ZFHX3: variants seen among roughly 807,000 people sequenced by gnomAD.
The protein encoded by ZFHX3 is zinc finger homeobox protein 3.
In ZFHX3, 42 loss-of-function variants were observed where a neutral mutation model predicts 279.1. That is an observed-to-expected ratio of 0.15 (90% confidence interval 0.12 to 0.19). The LOEUF (loss-of-function observed/expected upper bound fraction) is 0.19. Ranked by LOEUF, ZFHX3 falls within the 10% of genes least tolerant of loss-of-function variation. The pLI is 1.00. For missense variants in ZFHX3, 4,981 were observed against 4,754.0 expected (o/e 1.05, Z -1.40); for synonymous variants, 2,293 against 1,957.8 (o/e 1.17, Z -4.52).
intron 4 of ZFHX3, among the ~76,000 whole-genome samples, chr16:73,293,274 A>G (rs1045370874): frequency 1.2e-4 from 19 of 152,170 alleles, no homozygotes; most frequent in Non-Finnish European, 2.5e-4. Context: ...GAAAGAGGCT[A>G]TGAAGGAGAC....
intron 4 of ZFHX3, among the ~76,000 whole-genome samples, chr16:72,868,815 A>G (rs1236883464): frequency 2.6e-5 from 4 of 151,316 alleles, no homozygotes; most frequent in South Asian, 2.1e-4. Context: ...CCCTCTGTTC[A>G]CCTCAGGAGT....
intron 1 of ZFHX3, among the ~76,000 whole-genome samples, chr16:73,024,585 C>T (rs1343725115): frequency 6.6e-6 from 1 of 152,210 alleles, no homozygotes; most frequent in African/African-American, 2.4e-5. Flanking sequence ...AATGATAAAA[C>T]GAAATCTCAC....
chr16:73,767,534 C>A (rs1300164574), intron 1 of ZFHX3, among the ~76,000 whole-genome samples: 1 of 152,144 alleles, frequency 6.6e-6, no homozygotes, highest in African/African-American at 2.4e-5. Context: ...AAGAAGAATT[C>A]TTTTTCTGAC....
chr16:73,017,454 C>T (rs1249011878), intron 1 of ZFHX3, among the ~76,000 whole-genome samples: 2 of 152,060 alleles, frequency 1.3e-5, no homozygotes, highest in Non-Finnish European at 2.9e-5. Context: ...TTTCCTGCCC[C>T]GCTTTCCAGT....
intron 5 of ZFHX3, among the ~76,000 whole-genome samples, chr16:73,213,715 G>C (rs2012099818): frequency 6.6e-6 from 1 of 152,138 alleles, no homozygotes; most frequent in Non-Finnish European, 1.5e-5. Flanking sequence ...CATGTTTTCT[G>C]TCTTTAATTT....
chr16:73,280,680 G>C lies in ZFHX3; in HGVS notation c.-1193-23544C>G, dbSNP rs370152688. On this transcript the variant is annotated intron_variant, in intron 4 of 17. Transcript: ENST00000641206. ...ACTGTAAATTGGTACAGCCATTATA[G>C]AAAATAGCATAGAGGTGGCCAGGCA... Among the ~76,000 whole-genome samples, 39 of 152,156 alleles carry C rather than the reference G, an allele frequency of 2.6e-4. 2 individuals are homozygous for C. The highest frequency in any genetic ancestry group is 1.2e-3 in the South Asian group (6 of 4,808).
intron 7 of ZFHX3, among the ~76,000 whole-genome samples, chr16:73,103,359 C>T (rs549677062): frequency 5.9e-4 from 89 of 150,416 alleles, no homozygotes; most frequent in African/African-American, 2.0e-3. Flanking sequence ...GTACCCCAAA[C>T]CAGACTCTGC....
intron 1 of ZFHX3, among the ~76,000 whole-genome samples, chr16:73,845,466 A>G (rs1961425750): frequency 6.6e-6 from 1 of 152,096 alleles, no homozygotes; most frequent in South Asian, 2.1e-4. Flanking sequence ...ATTTGTGTCC[A>G]GTTATCTAGG....
chr16:73,195,975 A>G (rs1351790109), intron 5 of ZFHX3, among the ~76,000 whole-genome samples: 1 of 152,200 alleles, frequency 6.6e-6, no homozygotes, highest in Non-Finnish European at 1.5e-5. Context: ...TATCTCCCTC[A>G]TTGCCTAACA....
At position 72,798,642 on chromosome 16, in the gene ZFHX3, G is replaced by T; in HGVS notation, c.4040C>A (p.Ser1347Tyr). Reference sequence around the variant, plus strand: ...TCTCACAGAGCCTGGGTCAGCAGGGGATGGTTTCAAATCTCCGCTTTGCTC... The same window carrying T: ...TCTCACAGAGCCTGGGTCAGCAGGGTATGGTTTCAAATCTCCGCTTTGCTC... ...STEQSGDLKP[S>Y]PADPGSVRED... Residue 1347 changes from serine (S) to tyrosine (Y), a missense_variant, in exon 9 of 10, where the codon TCC becomes TAC. Around this residue, in one of 7 missense-constraint regions of ZFHX3, gnomAD observed 1,751 missense variants for 1,770.0 expected, o/e 0.99. Coordinates refer to ENST00000268489, the MANE Select transcript of ZFHX3 (RefSeq NM_006885.4). 6.2e-7 allele frequency: 1 copy of T among 1,613,830 alleles called. No individual in the cohort carries two copies. The highest frequency in any genetic ancestry group is 1.6e-4 in the Middle Eastern group (1 of 6,062).
chr16:72,847,908 A>G (rs546510917), intron 4 of ZFHX3, among the ~76,000 whole-genome samples: 34 of 152,096 alleles, frequency 2.2e-4, no homozygotes, highest in Admixed American at 5.2e-4. Flanking sequence ...GGCTGGGTGC[A>G]GCCAGGCTCC....
chr16:73,064,219 T>G (rs1490677788), upstream of ZFHX3, among the ~76,000 whole-genome samples: 21 of 151,808 alleles, frequency 1.4e-4, no homozygotes, highest in Non-Finnish European at 4.4e-5. Flanking sequence ...GATAAGGAGA[T>G]GAGCCGGGAA....
intron 1 of ZFHX3, among the ~76,000 whole-genome samples, chr16:73,871,491 A>T (rs1319845585): frequency 6.6e-6 from 1 of 151,840 alleles, no homozygotes; most frequent in East Asian, 1.9e-4. Context: ...CAATAAAAAA[A>T]AAAAGAGAGA....
chr16:73,216,819 A>G lies in ZFHX3; in HGVS notation c.-1104+40228T>C, dbSNP rs189784528. Among the ~76,000 whole-genome samples the G allele has an allele frequency of 2.9e-3, 440 of 152,312 alleles. 6 individuals carry two copies. Among genetic ancestry groups the G allele is most frequent in the Non-Finnish European group, 9.6e-4 (65 of 68,024 alleles). ...AATATTATCTGAACACTTTCAAAAA[A>G]GTAACTAGGACTCTGTCTCCCCTTC... On this transcript the variant is annotated intron_variant, in intron 5 of 17. Transcript: ENST00000641206.
At chr16:73,552,055 G>C (rs2020211475) in intron 2 of ZFHX3, among the ~76,000 whole-genome samples, 1 of 152,010 alleles carries the variant, frequency 6.6e-6, no homozygotes, top group Non-Finnish European at 1.5e-5. Flanking sequence ...CAGAGAGAGA[G>C]AGAAAGAGAG....
intron 3 of ZFHX3, among the ~76,000 whole-genome samples, chr16:73,424,023 G>A (rs7189261): frequency 0.9 from 137,407 of 152,230 alleles, 62,035 homozygotes; most frequent in East Asian, 0.95. Flanking sequence ...AGCACTATCC[G>A]GAAGAAATGG....
intron 4 of ZFHX3, among the ~76,000 whole-genome samples, chr16:72,842,097 T>C (rs1053014360): frequency 2.0e-5 from 3 of 152,228 alleles, no homozygotes; most frequent in African/African-American, 4.8e-5. Flanking sequence ...TCTGGGATGC[T>C]GAGATCCTTC....
At chr16:72,859,315 A>G (rs1425214104) in intron 4 of ZFHX3, among the ~76,000 whole-genome samples, 1 of 152,184 alleles carries the variant, frequency 6.6e-6, no homozygotes, top group Non-Finnish European at 1.5e-5. Context: ...AAAGGCGAGA[A>G]AGTTCTCTGG....
At chr16:73,462,733 A>G (rs1303487948) in intron 2 of ZFHX3, among the ~76,000 whole-genome samples, 1 of 152,160 alleles carries the variant, frequency 6.6e-6, no homozygotes, top group African/African-American at 2.4e-5. Flanking sequence ...ATTTTTCAAT[A>G]TCTAACCAGT....
Sources: gnomAD v4.1 joint callset for allele counts (sites outside exome capture counted in the v4.1 genomes callset) on GRCh38, gnomAD v4.1.1 for gene constraint, gnomAD v4.1.1 regional missense constraint, MANE v1.5 for transcripts, NCBI Gene and HGNC (gene_info 2026-07-23, HGNC 2026-07-21) for gene names.